Variants in PELI2 observed in about 807,000 individuals in gnomAD.
PELI2 encodes the protein pellino E3 ubiquitin protein ligase family member 2, also known as E3 ubiquitin-protein ligase pellino homolog 2.
PELI2 carries 23 observed loss-of-function variants against 42.3 expected under a neutral mutation model. The ratio of observed to expected loss-of-function variants is 0.54; its 90% CI spans 0.39 to 0.77. The LOEUF (loss-of-function observed/expected upper bound fraction) is 0.77, where lower values mean the gene tolerates loss of function less well. PELI2 is among the 30% of genes least tolerant of loss of function. The pLI is 0.00. For missense variants in PELI2, 463 were observed against 553.2 expected (o/e 0.84, Z 1.64); for synonymous variants, 245 against 212.2 (o/e 1.15, Z -1.34).
chr14:56,214,104 T>C (rs58116791), intron 2 of PELI2, among the ~76,000 whole-genome samples: 49,352 of 152,030 alleles, frequency 0.32, 9,897 homozygotes, highest in African/African-American at 0.57. Context: ...CCGCCCACCT[T>C]GGCCTCCCAA....
chr14:56,119,683 T>A (rs963501676), intron 1 of PELI2: 3 of 769,906 alleles, frequency 3.9e-6, no homozygotes, highest in Non-Finnish European at 4.7e-6. Flanking sequence ...AAACTGGATA[T>A]AGTGGGCAGT....
rs368073454 is a variant in PELI2, at chr14:56,223,975, G to A, written c.207+45511G>A. Among the ~76,000 whole-genome samples, 21 of 152,228 alleles carry A rather than the reference G, an allele frequency of 1.4e-4. 1 individual carries two copies. The highest frequency in any genetic ancestry group is 8.5e-4 in the Admixed American group (13 of 15,300). On this transcript the variant is annotated intron_variant, in intron 2 of 5. Transcript: ENST00000267460. ...ATGGTGGAGATCGATGTACTTTAGA[G>A]TGTATTTCTGAGAGCAAATGACTTC...
intron 2 of PELI2, among the ~76,000 whole-genome samples, chr14:56,258,422 G>C (rs923461731): frequency 3.3e-5 from 5 of 151,986 alleles, no homozygotes; most frequent in African/African-American, 1.2e-4. Context: ...AGAAATTACA[G>C]ATGGAATTAA....
intron 2 of PELI2, among the ~76,000 whole-genome samples, chr14:56,246,081 AC>A (rs1297837393): frequency 4.6e-5 from 7 of 152,152 alleles, no homozygotes; most frequent in African/African-American, 9.7e-5. Context: ...TCTTAAAGTT[AC>A]AGGAGACTTC....
chr14:56,125,547 T>C (rs1055045588), intron 1 of PELI2, among the ~76,000 whole-genome samples: 1 of 152,036 alleles, frequency 6.6e-6, no homozygotes, highest in Admixed American at 6.6e-5. Context: ...CTTCTTTCGG[T>C]TTTTACTTAC....
chr14:56,139,198 G>A (rs145641138), intron 1 of PELI2, among the ~76,000 whole-genome samples: 7 of 152,240 alleles, frequency 4.6e-5, no homozygotes, highest in African/African-American at 9.6e-5. Context: ...GAGATAGAAC[G>A]GGAGGAAGGA....
At chr14:56,182,352 C>T (rs371923199) in intron 2 of PELI2, among the ~76,000 whole-genome samples, 7 of 152,008 alleles carry the variant, frequency 4.6e-5, no homozygotes, top group Non-Finnish European at 7.4e-5. Context: ...TTTATGTGTT[C>T]GTTTACTTTT....
intron 2 of PELI2, among the ~76,000 whole-genome samples, chr14:56,274,118 C>T (rs541271335): frequency 9.3e-4 from 142 of 152,278 alleles, no homozygotes; most frequent in African/African-American, 3.0e-3. Context: ...CATTTCCATG[C>T]GCTAGCCTCA....
At chr14:56,186,197 G>T (rs1885763694) in intron 2 of PELI2, among the ~76,000 whole-genome samples, 2 of 152,118 alleles carry the variant, frequency 1.3e-5, no homozygotes, top group Non-Finnish European at 2.9e-5. Context: ...AAGAAGAGGG[G>T]ACTATGAGCC....
chr14:56,202,259 G>A (rs970205721), intron 2 of PELI2, among the ~76,000 whole-genome samples: 13 of 152,154 alleles, frequency 8.5e-5, no homozygotes, highest in Non-Finnish European at 1.3e-4. Context: ...AAAGCAGATA[G>A]CATCACCCCT....
chr14:56,176,153 G>A (rs1885373963), intron 1 of PELI2, among the ~76,000 whole-genome samples: 3 of 152,216 alleles, frequency 2.0e-5, no homozygotes, highest in African/African-American at 7.2e-5. Context: ...CAAACGTGGT[G>A]CTGGGGTTCA....
At chr14:56,132,108 A>G (rs959559105) in intron 1 of PELI2, among the ~76,000 whole-genome samples, 1 of 152,196 alleles carries the variant, frequency 6.6e-6, no homozygotes, top group Non-Finnish European at 1.5e-5. Context: ...GCCACATGCC[A>G]TATGCTCCTT....
chr14:56,179,499 G>A (rs1885509925), intron 2 of PELI2, among the ~76,000 whole-genome samples: 2 of 152,172 alleles, frequency 1.3e-5, no homozygotes, highest in Admixed American at 1.3e-4. Flanking sequence ...AAGCGATCTT[G>A]TATTAATGAG....
At chr14:56,259,387 A>G (rs1024406923) in intron 2 of PELI2, among the ~76,000 whole-genome samples, 12 of 152,212 alleles carry the variant, frequency 7.9e-5, no homozygotes, top group African/African-American at 2.4e-4. Flanking sequence ...ATAATAATGT[A>G]TGGGGTTTAT....
At chr14:56,275,219 C>T (rs1428959031) in intron 2 of PELI2, among the ~76,000 whole-genome samples, 1 of 152,132 alleles carries the variant, frequency 6.6e-6, no homozygotes, top group Non-Finnish European at 1.5e-5. Flanking sequence ...GTTCTCATCA[C>T]AGCTGCCCAA....
chr14:56,259,578 T>C (rs374927689), intron 2 of PELI2, among the ~76,000 whole-genome samples: 1 of 152,138 alleles, frequency 6.6e-6, no homozygotes, highest in Non-Finnish European at 1.5e-5. Context: ...CAGAAAGTAC[T>C]GGATAAGTTA....
At chr14:56,291,205 C>T (rs1220799430) in intron 5 of PELI2, among the ~76,000 whole-genome samples, 6 of 152,072 alleles carry the variant, frequency 3.9e-5, no homozygotes, top group East Asian at 3.8e-4. Flanking sequence ...GAAGCTAGAA[C>T]GAGAGAGAAC....
intron 3 of PELI2, among the ~76,000 whole-genome samples, chr14:56,285,771 T>A (rs1282957465): frequency 6.6e-6 from 1 of 152,028 alleles, no homozygotes; most frequent in Non-Finnish European, 1.5e-5. Flanking sequence ...GTGGAGGAGA[T>A]AACAGGTTTT....
intron 3 of PELI2, among the ~76,000 whole-genome samples, chr14:56,284,990 G>T (rs1276108291): frequency 1.3e-5 from 2 of 152,254 alleles, no homozygotes; most frequent in Non-Finnish European, 2.9e-5. Context: ...AGACAGGTAG[G>T]ACCTTCAGGC....
Sources: gnomAD v4.1 joint callset for allele counts (sites outside exome capture counted in the v4.1 genomes callset) on GRCh38, gnomAD v4.1.1 for gene constraint, MANE v1.5 for transcripts, NCBI Gene and HGNC (gene_info 2026-07-23, HGNC 2026-07-21) for gene names.